The following ADD2 variants were observed in gnomAD, a reference collection of about 807,000 sequenced individuals.
The protein encoded by ADD2 is beta-adducin.
In ADD2, 23 loss-of-function variants were observed where a neutral mutation model predicts 83.0. The observed-to-expected ratio is 0.28, with a 90% CI of 0.20 to 0.39. The LOEUF (loss-of-function observed/expected upper bound fraction) is 0.39, where lower values mean the gene tolerates loss of function less well. ADD2 is among the 10% of genes least tolerant of loss of function. The probability of loss-of-function intolerance (pLI) is 1.00; values close to 1 mark genes in which losing one functional copy is unlikely to be tolerated. For missense variants in ADD2, 758 were observed against 944.9 expected (o/e 0.80, Z 2.59); for synonymous variants, 375 against 375.4 (o/e 1.00, Z 0.01).
intron 1 of ADD2, among the ~76,000 whole-genome samples, chr2:70,752,044 C>G (rs1345821385): frequency 1.3e-5 from 2 of 152,178 alleles, no homozygotes; most frequent in Non-Finnish European, 2.9e-5. Flanking sequence ...ATGCATATAG[C>G]CTTTGTCAAA....
At chr2:70,736,600 G>A (rs986493388) in intron 1 of ADD2, among the ~76,000 whole-genome samples, 1 of 152,210 alleles carries the variant, frequency 6.6e-6, no homozygotes, top group African/African-American at 2.4e-5. Context: ...ACAGGACACA[G>A]TGCTTTGTAC....
intron 1 of ADD2, among the ~76,000 whole-genome samples, chr2:70,725,673 C>T (rs149294505): frequency 3.8e-4 from 58 of 152,170 alleles, no homozygotes; most frequent in African/African-American, 7.2e-4. Flanking sequence ...AGCTGGGAGA[C>T]GCACGGAAGC....
At chr2:70,742,768 A>C (rs1364622519) in intron 1 of ADD2, among the ~76,000 whole-genome samples, 3 of 152,234 alleles carry the variant, frequency 2.0e-5, no homozygotes, top group Admixed American at 6.5e-5. Context: ...TAAATCTGGC[A>C]AAAGAGTTCT....
intron 1 of ADD2, among the ~76,000 whole-genome samples, chr2:70,735,951 C>T (rs1553380094): frequency 6.7e-6 from 1 of 148,438 alleles, no homozygotes; most frequent in Admixed American, 6.8e-5. Flanking sequence ...AATCTGCCTG[C>T]CTTGGCCTCC....
intron 4 of ADD2, among the ~76,000 whole-genome samples, chr2:70,701,603 T>C (rs1574262177): frequency 6.6e-6 from 1 of 152,172 alleles, no homozygotes; most frequent in Admixed American, 6.5e-5. Context: ...GATTTTTGTA[T>C]ATACAATACC....
intron 2 of ADD2, among the ~76,000 whole-genome samples, chr2:70,708,659 A>G (rs374382783): frequency 6.7e-4 from 102 of 152,280 alleles, no homozygotes; most frequent in Non-Finnish European, 1.2e-3. Flanking sequence ...CTGCTATCAT[A>G]CACTTGGCCT....
chr2:70,668,217 C>T (rs1669738280), intron 15 of ADD2, among the ~76,000 whole-genome samples: 2 of 152,110 alleles, frequency 1.3e-5, no homozygotes, highest in Non-Finnish European at 2.9e-5. Flanking sequence ...AGGAAGTCTC[C>T]TCTTATCTCT....
In ADD2 at chr2:70,767,905, CT is replaced by C; in HGVS notation, c.-174del. On this transcript the variant is annotated 5_prime_UTR_variant, in exon 1 of 16. The change creates a new upstream start codon in the 5' untranslated region. Coordinates refer to ENST00000264436, the MANE Select transcript of ADD2 (RefSeq NM_001617.4). ...CCTTACCTCCTGCGCGGCATCTTAG[CT>C]ATCTCCGGTCGGCCACTGCGGGTTG... The C allele has an allele frequency of 2.0e-6, 3 of 1,535,882 alleles. No homozygotes were observed. Among genetic ancestry groups the C allele is most frequent in the Non-Finnish European group, 2.6e-6 (3 of 1,146,778 alleles).
intron 1 of ADD2, among the ~76,000 whole-genome samples, chr2:70,722,029 C>T (rs1672751619): frequency 6.6e-6 from 1 of 152,144 alleles, no homozygotes; most frequent in Non-Finnish European, 1.5e-5. Context: ...ATCATGATAA[C>T]AATTTGATAA....
At chr2:70,735,461 T>A (rs1673492881) in intron 1 of ADD2, among the ~76,000 whole-genome samples, 1 of 152,130 alleles carries the variant, frequency 6.6e-6, no homozygotes, top group Admixed American at 6.6e-5. Flanking sequence ...GGGGAGCTTT[T>A]AAAAATTTCC....
chr2:70,757,284 T>G, intron 1 of ADD2, among the ~76,000 whole-genome samples: 1 of 10,000 alleles, frequency 1.0e-4, no homozygotes, highest in South Asian at 4.0e-3. Flanking sequence ...GGATAAGGGA[T>G]TTGTGGGGGG....
chr2:70,696,916 T>G (rs1338227047), intron 4 of ADD2, among the ~76,000 whole-genome samples: 1 of 152,068 alleles, frequency 6.6e-6, no homozygotes, highest in Non-Finnish European at 1.5e-5. Flanking sequence ...ATCCCAGCAT[T>G]TTGGGAGGTC....
chr2:70,698,766 C>T (rs146651161), intron 4 of ADD2, among the ~76,000 whole-genome samples: 14 of 152,068 alleles, frequency 9.2e-5, no homozygotes, highest in South Asian at 6.2e-4. Context: ...ATTGGCCTCA[C>T]GAAAGTTAGG....
rs572427044 is a variant in ADD2, at chr2:70,694,004, C to T, written c.556-1452G>A. On this transcript the variant is annotated intron_variant, in intron 6 of 15. Transcript: ENST00000264436. ...AAAACAGAAGCCCAATGCTAGGACA[C>T]TTAGTGAGTGGAGCACAGGTTGGAT... is the stretch of plus-strand genomic sequence containing the variant. Among the ~76,000 whole-genome samples the T allele has an allele frequency of 4.6e-5, 7 of 152,298 alleles. No homozygotes were observed. The South Asian group carries it at 1.4e-3, about 32-fold the overall frequency.
chr2:70,748,533 A>C (rs1324956045), intron 1 of ADD2, among the ~76,000 whole-genome samples: 3 of 152,086 alleles, frequency 2.0e-5, no homozygotes, highest in Non-Finnish European at 4.4e-5. Flanking sequence ...TCCAGATCCA[A>C]AGCAGAGCAC....
At chr2:70,735,300 G>A (rs1427012292) in intron 1 of ADD2, among the ~76,000 whole-genome samples, 1 of 152,106 alleles carries the variant, frequency 6.6e-6, no homozygotes, top group African/African-American at 2.4e-5. Context: ...TAATGATTAA[G>A]TGAAAAGAAA....
chr2:70,741,244 G>GA (rs1423222816), intron 1 of ADD2: 1 of 152,238 alleles, frequency 6.6e-6, no homozygotes, highest in Non-Finnish European at 1.5e-5. Context: ...CAGCCAGTGA[G>GA]AAACTCCCTG....
chr2:70,735,392 G>A (rs1014734968), intron 1 of ADD2, among the ~76,000 whole-genome samples: 7 of 152,094 alleles, frequency 4.6e-5, no homozygotes, highest in Non-Finnish European at 7.4e-5. Flanking sequence ...GGCACAGTTC[G>A]CACAACCCAA....
chr2:70,685,371 A>G (rs1275537223), intron 9 of ADD2, among the ~76,000 whole-genome samples: 1 of 152,128 alleles, frequency 6.6e-6, no homozygotes, highest in Non-Finnish European at 1.5e-5. Context: ...CCGTCACCCT[A>G]TGAAGAGAAG....
Sources: gnomAD v4.1 joint callset for allele counts (sites outside exome capture counted in the v4.1 genomes callset) on GRCh38, gnomAD v4.1.1 for gene constraint, MANE v1.5 for transcripts, NCBI Gene and HGNC (gene_info 2026-07-23, HGNC 2026-07-21) for gene names.